Variants in HGSNAT observed in about 807,000 individuals in gnomAD.
HGSNAT encodes transmembrane protein 76.
HGSNAT carries 59 observed loss-of-function variants against 85.2 expected under a neutral mutation model. The ratio of observed to expected loss-of-function variants is 0.69; its 90% CI spans 0.56 to 0.86. HGSNAT has a LOEUF of 0.86. HGSNAT is among the 40% of genes least tolerant of loss of function. The pLI, the probability that HGSNAT is intolerant of heterozygous loss-of-function variation, is 0.00. For synonymous variants in HGSNAT, 321 were observed against 304.5 expected (o/e 1.05, Z -0.56); for missense variants, 756 against 777.1 (o/e 0.97, Z 0.32).
intron 5 of HGSNAT, among the ~76,000 whole-genome samples, chr8:43,166,904 G>A (rs529841547): frequency 3.1e-4 from 47 of 152,344 alleles, no homozygotes; most frequent in African/African-American, 1.1e-3. Context: ...ATGAGAGGAA[G>A]TAAAATTATC....
chr8:43,159,715 C>T (rs955343606), intron 4 of HGSNAT, among the ~76,000 whole-genome samples: 1 of 152,222 alleles, frequency 6.6e-6, no homozygotes, highest in African/African-American at 2.4e-5. Context: ...TCAAATATCT[C>T]TCCTTGTTTT....
At chr8:43,187,470 C>T (rs147989936) in intron 11 of HGSNAT, among the ~76,000 whole-genome samples, 3,551 of 152,258 alleles carry the variant, frequency 0.023, 131 homozygotes, top group African/African-American at 0.08. Flanking sequence ...GCAACTCCTG[C>T]CTTTTTTTGT....
intron 4 of HGSNAT, 67 bp downstream of exon 4, chr8:43,159,111 T>G: frequency 6.5e-7 from 1 of 1,549,412 alleles, no homozygotes; most frequent in Non-Finnish European, 8.8e-7. Flanking sequence ...TGAGTACTGT[T>G]TGTAAAGCAA....
At position 43,169,256 on chromosome 8, in the gene HGSNAT, T is replaced by C; in HGVS notation, c.633+14T>C. ...CTCATCAATTCTGTAAGTTATGAGATGCATAGTGTATTGCCCAGGTGGTTT... is the reference window on the plus strand; with the variant it reads ...CTCATCAATTCTGTAAGTTATGAGACGCATAGTGTATTGCCCAGGTGGTTT... On this transcript the variant is annotated intron_variant, in intron 6 of 17. Transcript: ENST00000379644. 1 of 1,528,504 alleles carries C rather than the reference T, an allele frequency of 6.5e-7. No homozygotes were observed. The highest frequency in any genetic ancestry group is 8.9e-7 in the Non-Finnish European group (1 of 1,117,338). The allele number at this position is 1,528,504 out of a possible 1,614,324, so 94.7% of individuals were successfully genotyped here. A position where few individuals can be genotyped will look rare whatever the true frequency, so the allele number is the denominator to read the frequency against.
intron 11 of HGSNAT, 64 bp from the exon 12 acceptor site, chr8:43,191,410 T>C (rs538097101): frequency 1.4e-4 from 218 of 1,564,994 alleles, no homozygotes; most frequent in Non-Finnish European, 1.8e-4. Context: ...CCTAAAGACA[T>C]GTGCTTAGTT....
chr8:43,200,733 T>C lies in HGSNAT; in HGVS notation c.*1164T>C, dbSNP rs1024200960. 1 of 152,326 alleles carries C rather than the reference T, an allele frequency of 6.6e-6. No individual in the cohort carries two copies. Among genetic ancestry groups the C allele is most frequent in the Non-Finnish European group, 1.5e-5 (1 of 68,056 alleles). The allele number at this position is 152,326 out of a possible 1,614,324, so 9.4% of individuals were successfully genotyped here. The stretch of plus-strand genomic sequence containing the variant: ...CCCTCCTGGGTGTTCTGTGGGAATT[T>C]CCTGTGTGAGGAAAACGTGGCCACA... On this transcript the variant is annotated 3_prime_UTR_variant, in exon 18 of 18. Transcript: ENST00000379644.
intron 2 of HGSNAT, among the ~76,000 whole-genome samples, chr8:43,150,608 C>T (rs963132416): frequency 1.1e-4 from 17 of 152,130 alleles, no homozygotes; most frequent in Middle Eastern, 3.4e-3. Flanking sequence ...CCAAGGTGGG[C>T]GGATCACAAG....
chr8:43,164,618 T>C (rs1480573065), intron 5 of HGSNAT, among the ~76,000 whole-genome samples: 1 of 151,900 alleles, frequency 6.6e-6, no homozygotes, highest in Non-Finnish European at 1.5e-5. Context: ...CCATCTCTAC[T>C]AAAAATAGAA....
intron 9 of HGSNAT, 30 bp from the exon 10 acceptor site, chr8:43,178,044 G>A: frequency 6.3e-7 from 1 of 1,598,338 alleles, no homozygotes; most frequent in Non-Finnish European, 8.6e-7. Flanking sequence ...TTTGGAAATG[G>A]CCACCTATTA....
chr8:43,194,862 T>G (rs996149581), intron 14 of HGSNAT, among the ~76,000 whole-genome samples: 6 of 152,252 alleles, frequency 3.9e-5, no homozygotes, highest in Admixed American at 1.3e-4. Flanking sequence ...TCGCCATCTA[T>G]CTGAAAACAG....
chr8:43,145,148 C>T (rs942590667), intron 1 of HGSNAT, among the ~76,000 whole-genome samples: 12 of 152,140 alleles, frequency 7.9e-5, no homozygotes, highest in African/African-American at 2.7e-4. Flanking sequence ...CAGAAATAAA[C>T]GTTAAAGGAG....
chr8:43,188,148 T>A (rs1804387887), intron 11 of HGSNAT, among the ~76,000 whole-genome samples: 1 of 152,214 alleles, frequency 6.6e-6, no homozygotes, highest in East Asian at 1.9e-4. Flanking sequence ...GAGGAGTATC[T>A]TTGTGGTGTT....
intron 7 of HGSNAT, among the ~76,000 whole-genome samples, 179 bp from the exon 8 acceptor site, chr8:43,172,131 T>C (rs1468452080): frequency 6.6e-6 from 1 of 152,258 alleles, no homozygotes; most frequent in African/African-American, 2.4e-5. Context: ...ATGGTCCTAA[T>C]TGCGATGACT....
intron 9 of HGSNAT, among the ~76,000 whole-genome samples, chr8:43,175,304 A>G (rs1302595246): frequency 6.6e-6 from 1 of 152,214 alleles, no homozygotes; most frequent in Admixed American, 6.5e-5. Context: ...CCTCTAACCT[A>G]TTGTCCATGG....
chr8:43,192,537 C>T, intron 13 of HGSNAT, 107 bp downstream of exon 13: 1 of 1,197,328 alleles, frequency 8.4e-7, no homozygotes, highest in Non-Finnish European at 1.1e-6. Context: ...AGAAAACACA[C>T]TGAGAACTGA....
intron 2 of HGSNAT, among the ~76,000 whole-genome samples, chr8:43,157,176 T>C (rs1160884747): frequency 6.6e-6 from 1 of 152,200 alleles, no homozygotes; most frequent in Non-Finnish European, 1.5e-5. Context: ...TTTCTAAGAT[T>C]ATGTCAAGGG....
chr8:43,170,922 T>G (rs1244236427), intron 7 of HGSNAT, among the ~76,000 whole-genome samples: 1 of 152,256 alleles, frequency 6.6e-6, no homozygotes, highest in East Asian at 1.9e-4. Flanking sequence ...CCAGAGCCAG[T>G]GTCCACTTGG....
intron 17 of HGSNAT, among the ~76,000 whole-genome samples, chr8:43,198,418 G>A (rs1023425975): frequency 2.1e-4 from 31 of 151,184 alleles, no homozygotes; most frequent in African/African-American, 7.3e-4. Flanking sequence ...CTCCTGAGTA[G>A]CTGGGACTAC....
chr8:43,175,295 C>G (rs958976818), intron 9 of HGSNAT, among the ~76,000 whole-genome samples: 1 of 152,112 alleles, frequency 6.6e-6, no homozygotes, highest in African/African-American at 2.4e-5. Context: ...TTTGAGGAAC[C>G]TCTAACCTAT....
Sources: gnomAD v4.1 joint callset for allele counts (sites outside exome capture counted in the v4.1 genomes callset) on GRCh38, gnomAD v4.1.1 for gene constraint, MANE v1.5 for transcripts, NCBI Gene and HGNC (gene_info 2026-07-23, HGNC 2026-07-21) for gene names.